FBXL3: variants seen among roughly 807,000 people sequenced by gnomAD.
FBXL3 encodes F-box and leucine rich repeat protein 3.
In FBXL3, 14 loss-of-function variants were observed where a neutral mutation model predicts 37.9. That is an observed-to-expected ratio of 0.37 (90% CI 0.24 to 0.58). The LOEUF is 0.58. FBXL3 is among the 20% of genes least tolerant of loss of function. The pLI is 0.74. For missense variants in FBXL3, 327 were observed against 511.1 expected (o/e 0.64, Z 3.47); for synonymous variants, 194 against 180.1 (o/e 1.08, Z -0.62).
intron 1 of FBXL3, 64 bp downstream of exon 1, chr13:77,026,763 G>T (rs974190602): frequency 9.5e-6 from 1 of 105,388 alleles, no homozygotes; most frequent in Non-Finnish European, 1.8e-5. Context: ...GCCCACAGAC[G>T]GTCCGCGGTC....
chr13:77,024,229 T>C (rs1286832054), intron 1 of FBXL3, among the ~76,000 whole-genome samples: 1 of 152,222 alleles, frequency 6.6e-6, no homozygotes, highest in Non-Finnish European at 1.5e-5. Context: ...ACACTGTTAT[T>C]ATGACCCATT....
At chr13:77,023,099 G>C (rs1413544998) in intron 1 of FBXL3, among the ~76,000 whole-genome samples, 1 of 152,138 alleles carries the variant, frequency 6.6e-6, no homozygotes, top group Non-Finnish European at 1.5e-5. Flanking sequence ...AAAAACCAGG[G>C]TTACTACCCA....
chr13:77,014,049 A>C (rs1205125120), intron 4 of FBXL3: 4 of 152,246 alleles, frequency 2.6e-5, no homozygotes, highest in African/African-American at 9.6e-5. Context: ...CAGGTAGGAA[A>C]TCTCAACCAG....
In FBXL3 at chr13:77,027,135, C is replaced by T. The variant is rs2034860815; in HGVS notation, c.-310G>A. The T allele has an allele frequency of 6.6e-6, 1 of 151,886 alleles. No homozygotes were observed. Among genetic ancestry groups the T allele is most frequent in the African/African-American group, 2.4e-5 (1 of 41,450 alleles). The allele number at this position is 151,886 out of a possible 1,614,324, so 9.4% of individuals were successfully genotyped here. ...CGGCTGCCACCGCGTAAGCTTCCTG[C>T]ACCTGGGCCACAAACAGCGAGTCTA... On this transcript the variant is annotated 5_prime_UTR_variant, in exon 1 of 5. Coordinates refer to ENST00000355619, the MANE Select transcript of FBXL3 (RefSeq NM_012158.4).
chr13:77,026,523 A>AGGAGCCGCGGCGAACCCG (rs2034841756), intron 1 of FBXL3, among the ~76,000 whole-genome samples: 2 of 152,180 alleles, frequency 1.3e-5, no homozygotes, highest in South Asian at 4.1e-4. Flanking sequence ...AAAGCCTGGC[A>AGGAGCCGCGGCGAACCCG]GGAGCCGCGG....
intron 4 of FBXL3, chr13:77,009,484 C>T (rs1249641207): frequency 6.6e-6 from 1 of 152,168 alleles, no homozygotes; most frequent in Non-Finnish European, 1.5e-5. Context: ...CACGCCACCA[C>T]GCCCGGCTAT....
At chr13:77,026,474 G>T in intron 1 of FBXL3, 1 of 628,966 alleles carries the variant, frequency 1.6e-6, no homozygotes, top group Non-Finnish European at 2.0e-6. Context: ...CAGAGTGCGA[G>T]CTCCATGGTG....
intron 1 of FBXL3, among the ~76,000 whole-genome samples, chr13:77,022,360 C>T (rs2034760489): frequency 6.6e-6 from 1 of 152,148 alleles, no homozygotes; most frequent in South Asian, 2.1e-4. Flanking sequence ...GGCCTGAGGA[C>T]CAGAACTGGG....
intron 3 of FBXL3, chr13:77,017,379 A>G (rs1267716775): frequency 6.6e-6 from 1 of 152,214 alleles, no homozygotes; most frequent in Admixed American, 6.5e-5. Context: ...TAGGTACACT[A>G]AAAATCAATT....
intron 3 of FBXL3, chr13:77,017,794 G>A (rs1324486639): frequency 6.6e-6 from 1 of 151,886 alleles, no homozygotes; most frequent in Non-Finnish European, 1.5e-5. Flanking sequence ...CCACTGAAAC[G>A]ACCACTTGGG....
chr13:77,019,406 G>A (rs1410316345), intron 2 of FBXL3, among the ~76,000 whole-genome samples: 1 of 152,078 alleles, frequency 6.6e-6, no homozygotes, highest in Non-Finnish European at 1.5e-5. Flanking sequence ...TTGTTTCCTG[G>A]GAAGCACCTT....
At chr13:77,023,473 G>A (rs1216001482) in intron 1 of FBXL3, among the ~76,000 whole-genome samples, 1 of 151,900 alleles carries the variant, frequency 6.6e-6, no homozygotes, top group Non-Finnish European at 1.5e-5. Context: ...CAGATTACAG[G>A]TAATTTTTTT....
rs2034673147 is a variant in FBXL3, at chr13:77,017,922, AATT to A, written c.471+675_471+677del. ...AGTGTCTTCTGGGAAAAAAATATCA[AATT>A]ATTGTTGGATACTAACCTATTAACC... On this transcript the variant is annotated intron_variant, in intron 3 of 4. Transcript: ENST00000355619. 4 of 152,092 alleles carry A rather than the reference AATT, an allele frequency of 2.6e-5. No homozygotes were observed. The South Asian group carries it at 8.3e-4, about 32-fold the overall frequency. The allele number at this position is 152,092 out of a possible 1,614,324, so 9.4% of individuals were successfully genotyped here. A position where few individuals can be genotyped will look rare whatever the true frequency, so the allele number is the denominator to read the frequency against.
At chr13:77,023,139 CCGTTCACT>C (rs1250559517) in intron 1 of FBXL3, among the ~76,000 whole-genome samples, 1 of 140,960 alleles carries the variant, frequency 7.1e-6, no homozygotes, top group Non-Finnish European at 1.6e-5. Flanking sequence ...TTCATTCATT[CCGTTCACT>C]CATTCATTCA....
chr13:77,017,937 C>T (rs890150897), intron 3 of FBXL3: 1 of 152,000 alleles, frequency 6.6e-6, no homozygotes, highest in South Asian at 2.1e-4. Flanking sequence ...TTGTTGGATA[C>T]TAACCTATTA....
At chr13:77,015,763 T>C (rs540090368) in intron 3 of FBXL3, 183 bp from the exon 4 acceptor site, 20 of 379,918 alleles carry the variant, frequency 5.3e-5, no homozygotes, top group Admixed American at 3.6e-4. Flanking sequence ...CTATCTGTCA[T>C]CTTTGAGAAG....
intron 4 of FBXL3, 155 bp downstream of exon 4, chr13:77,015,254 C>G (rs1187957681): frequency 4.3e-6 from 2 of 460,094 alleles, no homozygotes; most frequent in African/African-American, 4.1e-5. Flanking sequence ...AGTAACCCTA[C>G]AGAACTTATG....
intron 4 of FBXL3, chr13:77,008,555 G>A (rs2034491971): frequency 6.6e-6 from 1 of 152,184 alleles, no homozygotes; most frequent in East Asian, 1.9e-4. Flanking sequence ...CTCTCTGTAA[G>A]AGTTCTGTTT....
Position 77,018,689 on chromosome 13 carries a change from AAGCTGCTTC to A in FBXL3, c.373_381del (p.Glu125_Ala127del). The A allele has an allele frequency of 6.3e-7, 1 of 1,593,270 alleles. No homozygotes were observed. Among genetic ancestry groups the A allele is most frequent in the Non-Finnish European group, 8.5e-7 (1 of 1,171,216 alleles). On this transcript the variant is annotated inframe_deletion, in exon 3 of 5. Coordinates refer to ENST00000355619, the MANE Select transcript of FBXL3 (RefSeq NM_012158.4). The stretch of plus-strand genomic sequence containing the variant: ...TTCACAAGTTGCGATAGTATATCAC[AAGCTGCTTC>A]AGCTGATTCCTTGCTGCTGTCCACC...
Sources: gnomAD v4.1 joint callset for allele counts (sites outside exome capture counted in the v4.1 genomes callset) on GRCh38, gnomAD v4.1.1 for gene constraint, MANE v1.5 for transcripts, NCBI Gene and HGNC (gene_info 2026-07-23, HGNC 2026-07-21) for gene names.